Variants in THRB observed in about 807,000 individuals in gnomAD.
THRB encodes nuclear receptor subfamily 1 group A member 2.
Under a neutral mutation model 47.8 loss-of-function variants are expected in THRB, and 12 were observed. The ratio of observed to expected loss-of-function variants is 0.25; its 90% CI spans 0.16 to 0.41. The LOEUF (loss-of-function observed/expected upper bound fraction) is 0.41. Ranked by LOEUF, THRB falls within the 10% of genes least tolerant of loss-of-function variation. The probability of loss-of-function intolerance (pLI) is 1.00; values close to 1 mark genes in which losing one functional copy is unlikely to be tolerated. For synonymous variants in THRB, 218 were observed against 212.2 expected, an observed-to-expected ratio of 1.03 and a Z score of -0.24; for missense variants, 348 against 589.2, an observed-to-expected ratio of 0.59 and a Z score of 4.24.
intron 2 of THRB, among the ~76,000 whole-genome samples, chr3:24,305,995 A>C (rs1328296953): frequency 1.3e-5 from 2 of 152,208 alleles, no homozygotes; most frequent in Non-Finnish European, 2.9e-5. Flanking sequence ...CCAATAGATA[A>C]CAAACATACT....
intron 1 of THRB, among the ~76,000 whole-genome samples, chr3:24,415,264 T>C (rs1288664312): frequency 4.6e-5 from 7 of 151,852 alleles, no homozygotes; most frequent in Non-Finnish European, 8.8e-5. Flanking sequence ...CATAGGAAAA[T>C]GCTGATACTC....
chr3:24,269,951 CTT>C (rs952391256), intron 3 of THRB, among the ~76,000 whole-genome samples: 2 of 151,918 alleles, frequency 1.3e-5, no homozygotes, highest in African/African-American at 2.4e-5. Context: ...TCACAAAACT[CTT>C]AGCTTTTTTT....
rs2035963465 is a variant in THRB, at chr3:24,145,499, T to G, written c.532+1176A>C. ...TTGTCATAGTGGCATATCTAAGTAT[T>G]TGGCTGTAAGTCAATCATATTCACA... On this transcript the variant is annotated intron_variant, in intron 7 of 10. Coordinates refer to ENST00000646209, the MANE Select transcript of THRB (RefSeq NM_001354712.2). 2.0e-5 allele frequency among the ~76,000 whole-genome samples: 3 copies of G among 152,220 alleles called. No homozygotes were observed. In the South Asian group the frequency reaches 6.2e-4, roughly 32 times the overall value.
At chr3:24,442,923 C>CT (rs2071687324) in intron 1 of THRB, among the ~76,000 whole-genome samples, 1 of 152,114 alleles carries the variant, frequency 6.6e-6, no homozygotes, top group Non-Finnish European at 1.5e-5. Context: ...TGGCTCACGT[C>CT]TATAATCCCA....
chr3:24,495,031 T>C (rs954302896), upstream of THRB: 4 of 152,200 alleles, frequency 2.6e-5, no homozygotes, highest in South Asian at 2.1e-4. Context: ...TCCACTTTTA[T>C]AGGCGTAGGA....
At chr3:24,456,758 T>C (rs1036064863) in intron 1 of THRB, among the ~76,000 whole-genome samples, 3 of 151,970 alleles carry the variant, frequency 2.0e-5, no homozygotes, top group African/African-American at 7.2e-5. Context: ...TAGTATACAA[T>C]ATCTTATACA....
chr3:24,216,588 A>T (rs2046589476), intron 4 of THRB, among the ~76,000 whole-genome samples: 1 of 151,634 alleles, frequency 6.6e-6, no homozygotes, highest in Non-Finnish European at 1.5e-5. Context: ...AGCCTTGGTG[A>T]CAGAGCGAGA....
chr3:24,271,026 C>T (rs1315164611), intron 3 of THRB, among the ~76,000 whole-genome samples: 1 of 152,154 alleles, frequency 6.6e-6, no homozygotes, highest in Non-Finnish European at 1.5e-5. Flanking sequence ...TTAGAGATAA[C>T]ATCCAAACCA....
At chr3:24,452,225 G>A (rs573166841) in intron 1 of THRB, among the ~76,000 whole-genome samples, 4 of 152,180 alleles carry the variant, frequency 2.6e-5, no homozygotes, top group South Asian at 2.1e-4. Context: ...ATTTTACCAT[G>A]GGTATTTGTG....
chr3:24,264,880 C>T (rs1447069691), intron 3 of THRB, among the ~76,000 whole-genome samples: 1 of 151,840 alleles, frequency 6.6e-6, no homozygotes, highest in African/African-American at 2.4e-5. Flanking sequence ...AGCAGAGGGC[C>T]CCAGAACCGT....
intron 3 of THRB, among the ~76,000 whole-genome samples, chr3:24,254,181 G>A (rs564196099): frequency 9.0e-6 from 1 of 111,304 alleles, no homozygotes; most frequent in East Asian, 3.0e-4. Flanking sequence ...GGCTAACACA[G>A]TGAAACCCTG....
At chr3:24,413,029 A>G (rs557450676) in intron 1 of THRB, among the ~76,000 whole-genome samples, 1 of 151,986 alleles carries the variant, frequency 6.6e-6, no homozygotes, top group African/African-American at 2.4e-5. Flanking sequence ...AGGCTTTCTT[A>G]CATTATAGGT....
At chr3:24,269,456 G>A (rs2053087526) in intron 3 of THRB, among the ~76,000 whole-genome samples, 1 of 147,236 alleles carries the variant, frequency 6.8e-6, no homozygotes. Flanking sequence ...AGTTATCTTC[G>A]CTGTGTTGTC....
chr3:24,242,470 C>T (rs2049641642), intron 3 of THRB, among the ~76,000 whole-genome samples: 1 of 152,102 alleles, frequency 6.6e-6, no homozygotes, highest in South Asian at 2.1e-4. Context: ...CTCAGATATG[C>T]AACTGAAGAA....
chr3:24,138,605 A>C (rs1039220868), intron 8 of THRB, among the ~76,000 whole-genome samples: 2 of 152,212 alleles, frequency 1.3e-5, no homozygotes, highest in African/African-American at 4.8e-5. Flanking sequence ...GTCTGGTTCC[A>C]ATCTCCATTC....
intron 5 of THRB, among the ~76,000 whole-genome samples, chr3:24,159,572 C>T (rs1489366345): frequency 6.6e-6 from 1 of 152,130 alleles, no homozygotes; most frequent in Non-Finnish European, 1.5e-5. Flanking sequence ...GGGATTTTAA[C>T]ATTATAAGAA....
chr3:24,488,594 A>C (rs900142978), intron 1 of THRB, among the ~76,000 whole-genome samples: 1 of 151,672 alleles, frequency 6.6e-6, no homozygotes, highest in African/African-American at 2.4e-5. Context: ...CGATTGTCTC[A>C]GCAGATCTGA....
At chr3:24,275,935 T>C (rs1437218913) in intron 3 of THRB, among the ~76,000 whole-genome samples, 1 of 152,168 alleles carries the variant, frequency 6.6e-6, no homozygotes, top group Non-Finnish European at 1.5e-5. Context: ...GCTGAATAAC[T>C]ACTGGATTTT....
chr3:24,215,411 G>A (rs747131308), intron 4 of THRB, among the ~76,000 whole-genome samples: 3 of 152,144 alleles, frequency 2.0e-5, no homozygotes, highest in Non-Finnish European at 2.9e-5. Context: ...GACACATGAC[G>A]CCAAAGTCTG....
Sources: gnomAD v4.1 joint callset for allele counts (sites outside exome capture counted in the v4.1 genomes callset) on GRCh38, gnomAD v4.1.1 for gene constraint, MANE v1.5 for transcripts, NCBI Gene and HGNC (gene_info 2026-07-23, HGNC 2026-07-21) for gene names.